The following LGSN variants were observed in gnomAD, a reference collection of about 807,000 sequenced individuals.
The protein encoded by LGSN is lengsin.
LGSN carries 21 observed loss-of-function variants against 19.5 expected under a neutral mutation model. The observed-to-expected ratio is 1.07, with a 90% CI of 0.76 to 1.55. The LOEUF (loss-of-function observed/expected upper bound fraction) is 1.55. Among genes scored for constraint, LGSN ranks in the 40% most tolerant of loss-of-function variants. The probability of loss-of-function intolerance (pLI) is 0.00; values close to 1 mark genes in which losing one functional copy is unlikely to be tolerated. For missense variants in LGSN, 673 were observed against 608.5 expected, an observed-to-expected ratio of 1.11 and a Z score of -1.12; for synonymous variants, 257 against 215.6, an observed-to-expected ratio of 1.19 and a Z score of -1.68.
the LGSN span, among the ~76,000 whole-genome samples, chr6:63,333,018 G>T: frequency 6.6e-6 from 1 of 151,994 alleles, no homozygotes; most frequent in Non-Finnish European, 1.5e-5. Context: ...AGACCTTCAC[G>T]GTGAGTGTTA....
Position 63,288,291 on chromosome 6 carries a change from C to T in LGSN, c.164-2538G>A, listed in dbSNP as rs989148170. Reference sequence around the variant, plus strand: ...TAAATAATAATAATATTCATTCACTCATCATAGATATTTTTCATCATCACA... The same window carrying T: ...TAAATAATAATAATATTCATTCACTTATCATAGATATTTTTCATCATCACA... On this transcript the variant is annotated intron_variant, in intron 2 of 3. Coordinates refer to ENST00000370657, the MANE Select transcript of LGSN (RefSeq NM_016571.3). Among the ~76,000 whole-genome samples the T allele has an allele frequency of 2.0e-5, 3 of 150,822 alleles. No individual in the cohort carries two copies. In the East Asian group the frequency reaches 5.8e-4, roughly 29 times the overall value.
At chr6:63,451,761 TAAAA>T in the LGSN span, among the ~76,000 whole-genome samples, 1 of 150,476 alleles carries the variant, frequency 6.6e-6, no homozygotes. Flanking sequence ...AAAAATTAAT[TAAAA>T]AAAAAGAAAA....
At chr6:63,335,975 T>C in the LGSN span, among the ~76,000 whole-genome samples, 1 of 151,294 alleles carries the variant, frequency 6.6e-6, no homozygotes, top group African/African-American at 2.5e-5. Context: ...CACAATGGAA[T>C]ACACAGAAAG....
At chr6:63,436,290 C>T in the LGSN span, among the ~76,000 whole-genome samples, 3 of 152,182 alleles carry the variant, frequency 2.0e-5, no homozygotes, top group African/African-American at 4.8e-5. Flanking sequence ...TTTATAGAGA[C>T]GGGTTTTCAC....
chr6:63,303,796 C>T (rs1357527462), intron 1 of LGSN, among the ~76,000 whole-genome samples: 1 of 152,194 alleles, frequency 6.6e-6, no homozygotes, highest in Non-Finnish European at 1.5e-5. Flanking sequence ...CCTTGCCACT[C>T]ACACTGCAGT....
At chr6:63,426,178 T>C in the LGSN span, among the ~76,000 whole-genome samples, 1 of 152,060 alleles carries the variant, frequency 6.6e-6, no homozygotes, top group Non-Finnish European at 1.5e-5. Flanking sequence ...TTATGAAGAG[T>C]GGTGGTTGTT....
the LGSN span, among the ~76,000 whole-genome samples, chr6:63,442,063 G>A: frequency 3.9e-5 from 6 of 152,194 alleles, no homozygotes; most frequent in Admixed American, 6.5e-5. Flanking sequence ...TAAGAAGTGA[G>A]GCGCAGACCT....
At chr6:63,506,684 C>T in the LGSN span, among the ~76,000 whole-genome samples, 5 of 151,984 alleles carry the variant, frequency 3.3e-5, no homozygotes, top group African/African-American at 9.7e-5. Context: ...TTTAAGAGAA[C>T]GGGCATACAT....
At chr6:63,497,150 C>A in the LGSN span, among the ~76,000 whole-genome samples, 2 of 151,972 alleles carry the variant, frequency 1.3e-5, no homozygotes, top group Non-Finnish European at 2.9e-5. Context: ...TTTTTTAAAA[C>A]ATTTTTTGTC....
At chr6:63,296,284 A>G (rs1422599985) in intron 1 of LGSN, among the ~76,000 whole-genome samples, 1 of 151,866 alleles carries the variant, frequency 6.6e-6, no homozygotes, top group East Asian at 1.9e-4. Flanking sequence ...TATTTGGATA[A>G]TATGATACTT....
chr6:63,366,467 G>A, the LGSN span, among the ~76,000 whole-genome samples: 10 of 152,078 alleles, frequency 6.6e-5, no homozygotes, highest in African/African-American at 1.4e-4. Context: ...AGAACATTCC[G>A]TGCTCATGGA....
the LGSN span, among the ~76,000 whole-genome samples, chr6:63,531,507 T>C: frequency 1.3e-5 from 2 of 151,598 alleles, no homozygotes; most frequent in African/African-American, 4.8e-5. Context: ...CCCATATCTA[T>C]TATGCTTTTT....
chr6:63,359,494 AT>A, the LGSN span, among the ~76,000 whole-genome samples: 1 of 152,194 alleles, frequency 6.6e-6, no homozygotes, highest in Non-Finnish European at 1.5e-5. Context: ...GCTATTAATT[AT>A]TGCCTCAATT....
chr6:63,545,182 AT>A, the LGSN span, among the ~76,000 whole-genome samples: 1 of 152,102 alleles, frequency 6.6e-6, no homozygotes, highest in African/African-American at 2.4e-5. Flanking sequence ...ATCTTTTCTT[AT>A]TTTGATACTC....
chr6:63,565,960 T>C, the LGSN span, among the ~76,000 whole-genome samples: 1 of 152,198 alleles, frequency 6.6e-6, no homozygotes, highest in Non-Finnish European at 1.5e-5. Flanking sequence ...CTTGGAGATA[T>C]TGCAAGTTCA....
chr6:63,461,434 A>G, the LGSN span, among the ~76,000 whole-genome samples: 1 of 152,202 alleles, frequency 6.6e-6, no homozygotes, highest in Non-Finnish European at 1.5e-5. Context: ...AAGGAGCCTG[A>G]GCTAAAGGAT....
the LGSN span, among the ~76,000 whole-genome samples, chr6:63,393,871 A>C: frequency 6.6e-6 from 1 of 152,226 alleles, no homozygotes; most frequent in East Asian, 1.9e-4. Context: ...TTCAAAATGA[A>C]GCTGAGATCT....
intron 1 of LGSN, among the ~76,000 whole-genome samples, chr6:63,307,117 C>A (rs1310406835): frequency 1.3e-5 from 2 of 152,078 alleles, no homozygotes; most frequent in African/African-American, 4.8e-5. Flanking sequence ...GCCATTAGTA[C>A]ATCTAATAAA....
chr6:63,445,266 G>A, the LGSN span, among the ~76,000 whole-genome samples: 14 of 151,918 alleles, frequency 9.2e-5, no homozygotes, highest in Non-Finnish European at 1.8e-4. Flanking sequence ...AGCAGAGATC[G>A]CGTCATTGCA....
Sources: allele counts gnomAD v4.1 joint callset (sites outside exome capture counted in the v4.1 genomes callset), GRCh38; gene constraint gnomAD v4.1.1; transcripts MANE v1.5; gene names NCBI Gene and HGNC (gene_info 2026-07-23, HGNC 2026-07-21).